TMEM184B: variants seen among roughly 807,000 people sequenced by gnomAD.
The protein encoded by TMEM184B is transmembrane protein 184B.
A neutral mutation model predicts 41.8 loss-of-function variants in TMEM184B; 17 were observed. That is an observed-to-expected ratio of 0.41 (90% CI 0.28 to 0.61). The LOEUF (loss-of-function observed/expected upper bound fraction) is 0.61, where lower values mean the gene tolerates loss of function less well. TMEM184B is among the 20% of genes least tolerant of loss of function. The pLI, the probability that TMEM184B is intolerant of heterozygous loss-of-function variation, is 0.34. For synonymous variants in TMEM184B, 240 were observed against 229.5 expected, an observed-to-expected ratio of 1.05 and a Z score of -0.41; for missense variants, 393 against 557.8, an observed-to-expected ratio of 0.70 and a Z score of 2.98.
chr22:38,236,791 A>G (rs1055397027), intron 3 of TMEM184B, among the ~76,000 whole-genome samples: 6 of 152,166 alleles, frequency 3.9e-5, no homozygotes, highest in East Asian at 1.9e-4. Flanking sequence ...CGCCTGGCCT[A>G]TAAGAAACCA....
intron 3 of TMEM184B, among the ~76,000 whole-genome samples, chr22:38,243,738 C>G (rs1302840005): frequency 6.6e-6 from 1 of 152,154 alleles, no homozygotes; most frequent in African/African-American, 2.4e-5. Context: ...TGAGGCCCCA[C>G]ATGGAGGAAT....
intron 1 of TMEM184B, 144 bp from the exon 2 acceptor site, chr22:38,248,163 G>C: frequency 8.6e-7 from 1 of 1,161,038 alleles, no homozygotes; most frequent in Admixed American, 3.0e-5. Context: ...CTCTCCCCTG[G>C]ATTGATGCAA....
At position 38,226,849 on chromosome 22, in the gene TMEM184B, C is replaced by T. The variant is rs907412245; in HGVS notation, c.547G>A (p.Val183Met). 6 of 1,599,010 alleles carry T rather than the reference C, an allele frequency of 3.8e-6. No individual in the cohort carries two copies. The highest frequency in any genetic ancestry group is 2.7e-5 in the African/African-American group (2 of 74,744). Reference sequence around the variant, plus strand: ...GTGCTGACCGCCATGAGTGGCTTCACCACACAGAACTGCAGGGTGGCCTGT... The same window carrying T: ...GTGCTGACCGCCATGAGTGGCTTCATCACACAGAACTGCAGGGTGGCCTGT... ...CKQATLQFCV[V>M]KPLMAVSTVV... The change falls in exon 6 of 9, where the codon GTG (valine) becomes ATG (methionine). Residue 183 changes from valine (V) to methionine (M), a missense_variant. Physicochemically the swap from Val to Met is conservative, Grantham distance 21. Transcript: ENST00000361906. The surrounding 1 kb of genome is among the most constrained non-coding windows in gnomAD (Gnocchi z 4.6).
chr22:38,235,398 C>T (rs1240175154), intron 3 of TMEM184B, among the ~76,000 whole-genome samples: 4 of 152,236 alleles, frequency 2.6e-5, no homozygotes, highest in Admixed American at 2.6e-4. Flanking sequence ...CGTGTCCTTT[C>T]CTGCATCAAA....
chr22:38,221,052 T>G lies in TMEM184B; in HGVS notation c.*417A>C, dbSNP rs541252922. On this transcript the variant is annotated 3_prime_UTR_variant, in exon 9 of 9. Coordinates refer to ENST00000361906, the MANE Select transcript of TMEM184B (RefSeq NM_012264.5). ...GGAAGAGCCCAGGTCAGACAGGGTA[T>G]TGCACGGTGTGTGGGGGAGCCACGG... 1.9e-6 allele frequency: 2 copies of G among 1,037,216 alleles called. No homozygotes were observed. Among genetic ancestry groups the G allele is most frequent in the East Asian group, 1.8e-4 (2 of 10,998 alleles). The allele number at this position is 1,037,216 out of a possible 1,614,324, so 64.3% of individuals were successfully genotyped here.
chr22:38,266,330 TA>T (rs2092443320), intron 1 of TMEM184B, among the ~76,000 whole-genome samples: 1 of 152,222 alleles, frequency 6.6e-6, no homozygotes, highest in Non-Finnish European at 1.5e-5. Flanking sequence ...CCTTGGGAGC[TA>T]AAGGCGTTCA....
chr22:38,231,247 A>G lies in TMEM184B; in HGVS notation c.446T>C (p.Ile149Thr), dbSNP rs1259834299. 6.2e-7 allele frequency: 1 copy of G among 1,613,902 alleles called. No individual in the cohort carries two copies. The highest frequency in any genetic ancestry group is 8.5e-7 in the Non-Finnish European group (1 of 1,179,800). Residue 149 changes from isoleucine to threonine, a missense_variant, in exon 4 of 9, where the codon ATT becomes ACT. Transcript: ENST00000361906. ...SIMSEIRGKPIESSCMYGTCC... is the reference protein window; with the variant it reads ...SIMSEIRGKPTESSCMYGTCC... ...TCTGGGAAGACTCCATACTCACTCA[A>G]TGGGTTTTCCTCTGATCTCCGACAT... is the stretch of plus-strand genomic sequence containing the variant.
In TMEM184B at chr22:38,247,766, G is replaced by A; in HGVS notation, c.192+4C>T. The A allele has an allele frequency of 6.2e-7, 1 of 1,609,512 alleles. No individual in the cohort carries two copies. The highest frequency in any genetic ancestry group is 8.5e-7 in the Non-Finnish European group (1 of 1,176,786). On this transcript the variant is annotated splice_donor_region_variant and intron_variant, in intron 2 of 8. Transcript: ENST00000361906. ...TCTAGAGGCCCCTTGCCAGGCTTGG[G>A]TACCTGGTGGCATGTGATGAGCAGG...
At chr22:38,234,561 C>T (rs765349105) in intron 3 of TMEM184B, among the ~76,000 whole-genome samples, 11 of 152,220 alleles carry the variant, frequency 7.2e-5, no homozygotes, top group Non-Finnish European at 1.6e-4. Context: ...GTTATTTGCA[C>T]AGCCATGGTA....
intron 5 of TMEM184B, among the ~76,000 whole-genome samples, chr22:38,228,086 G>C (rs893296197): frequency 6.6e-6 from 1 of 152,160 alleles, no homozygotes; most frequent in Non-Finnish European, 1.5e-5. Flanking sequence ...GATCTGAGTG[G>C]GTCTTGCAGG....
chr22:38,227,727 C>T (rs976860131), intron 5 of TMEM184B, among the ~76,000 whole-genome samples: 16 of 152,154 alleles, frequency 1.1e-4, no homozygotes, highest in African/African-American at 3.4e-4. Flanking sequence ...ACTCCCCACA[C>T]CACAGGGCCA....
chr22:38,263,250 A>G (rs1289809926), intron 1 of TMEM184B, among the ~76,000 whole-genome samples: 3 of 152,146 alleles, frequency 2.0e-5, no homozygotes, highest in Non-Finnish European at 2.9e-5. Flanking sequence ...TCAGCAATCA[A>G]AAGGTACATG....
At chr22:38,263,110 C>A (rs1602495298) in intron 1 of TMEM184B, among the ~76,000 whole-genome samples, 1 of 152,186 alleles carries the variant, frequency 6.6e-6, no homozygotes, top group East Asian at 1.9e-4. Context: ...ATCATGTTGG[C>A]CAGGCTGGTC....
intron 3 of TMEM184B, 152 bp from the exon 4 acceptor site, chr22:38,231,486 C>T (rs375697410): frequency 1.6e-5 from 12 of 741,472 alleles, no homozygotes; most frequent in Admixed American, 9.8e-5. Flanking sequence ...AAAAGGAGCC[C>T]GTCAAGAACA....
chr22:38,259,226 T>C (rs1441284412), intron 1 of TMEM184B, among the ~76,000 whole-genome samples: 1 of 152,228 alleles, frequency 6.6e-6, no homozygotes, highest in Non-Finnish European at 1.5e-5. Context: ...TAACTCATGT[T>C]TGAGGGACAC....
chr22:38,247,123 T>A (rs1262200636), intron 2 of TMEM184B, among the ~76,000 whole-genome samples: 2 of 152,120 alleles, frequency 1.3e-5, no homozygotes, highest in African/African-American at 4.8e-5. Context: ...ACGGGAGACT[T>A]GACTTCTATC....
In TMEM184B at chr22:38,252,960, G is replaced by A. The variant is rs550326886; in HGVS notation, c.-58-4941C>T. On this transcript the variant is annotated intron_variant, in intron 1 of 8. Coordinates refer to ENST00000361906, the MANE Select transcript of TMEM184B (RefSeq NM_012264.5). ...GATCGAGACCAACCTGGCTAACATG[G>A]TGAAACCCCATCTCTACTAAAAATA... Among the ~76,000 whole-genome samples, 264 of 146,846 alleles carry A rather than the reference G, an allele frequency of 1.8e-3. 1 individual carries two copies. Among genetic ancestry groups the A allele is most frequent in the Non-Finnish European group, 3.0e-3 (202 of 67,920 alleles).
intron 2 of TMEM184B, among the ~76,000 whole-genome samples, chr22:38,246,424 C>A (rs2092031672): frequency 6.6e-6 from 1 of 152,228 alleles, no homozygotes; most frequent in Admixed American, 6.5e-5. Context: ...GCAGTTTCCA[C>A]AAGCTCCCCA....
In TMEM184B at chr22:38,258,600, G is replaced by A. The variant is rs541979300; in HGVS notation, c.-58-10581C>T. On this transcript the variant is annotated intron_variant, in intron 1 of 8. Transcript: ENST00000361906. ...TAGGCATGAGCCACCGTGCCCAGCC[G>A]AATTTTTCAGATTTTAGAAAGGATT... is the stretch of plus-strand genomic sequence containing the variant. Among the ~76,000 whole-genome samples, 391 of 152,110 alleles carry A rather than the reference G, an allele frequency of 2.6e-3. 3 individuals carry two copies. The highest frequency in any genetic ancestry group is 9.2e-3 in the African/African-American group (381 of 41,470).
Sources: gnomAD v4.1 joint callset for allele counts (sites outside exome capture counted in the v4.1 genomes callset) on GRCh38, gnomAD v4.1.1 for gene constraint, Gnocchi (gnomAD v3.1) non-coding constraint, MANE v1.5 for transcripts, NCBI Gene and HGNC (gene_info 2026-07-23, HGNC 2026-07-21) for gene names.